KAZN: variants seen among roughly 807,000 people sequenced by gnomAD.
KAZN encodes the protein kazrin.
A neutral mutation model predicts 87.4 loss-of-function variants in KAZN; 40 were observed. That is an observed-to-expected ratio of 0.46 (90% CI 0.36 to 0.60). KAZN has a LOEUF of 0.60. Among genes scored for constraint, KAZN ranks in the 20% least tolerant of loss-of-function variants. The pLI is 0.00. For synonymous variants in KAZN, 466 were observed against 458.3 expected (o/e 1.02, Z -0.22); for missense variants, 898 against 1,073.9 (o/e 0.84, Z 2.29).
At chr1:14,635,332 C>T (rs1191239213) in intron 1 of KAZN, among the ~76,000 whole-genome samples, 5 of 152,152 alleles carry the variant, frequency 3.3e-5, no homozygotes, top group Non-Finnish European at 5.9e-5. Flanking sequence ...TATGAACATC[C>T]CTGGTCTCCA....
In KAZN at chr1:14,856,552, G is replaced by C. The variant is rs1650129778; in HGVS notation, c.227-104132G>C. Among the ~76,000 whole-genome samples, 4 of 152,118 alleles carry C rather than the reference G, an allele frequency of 2.6e-5. No homozygotes were observed. The South Asian group carries it at 8.3e-4, about 32-fold the overall frequency. ...AAATGCTCATTAATATGAACACTAT[G>C]TTCATTAGTATAAAACATTCCATAT... On this transcript the variant is annotated intron_variant, in intron 1 of 14. Coordinates refer to ENST00000376030, the MANE Select transcript of KAZN (RefSeq NM_201628.3). This position sits in a 1 kb window ranked among gnomAD's most constrained non-coding sequence, Gnocchi z 5.2.
chr1:15,095,166 C>T (rs1640750551), intron 10 of KAZN, among the ~76,000 whole-genome samples: 1 of 152,266 alleles, frequency 6.6e-6, no homozygotes. Context: ...GACAAGAGGC[C>T]CCAAAGGCCC....
At chr1:14,022,515 GAAAAAAA>G (rs1640888237) in intron 1 of KAZN, among the ~76,000 whole-genome samples, 1 of 87,822 alleles carries the variant, frequency 1.1e-5, no homozygotes, top group South Asian at 3.7e-4. Flanking sequence ...AAAAAAAAAA[GAAAAAAA>G]GAAAAAAGAA....
intron 1 of KAZN, among the ~76,000 whole-genome samples, chr1:14,901,184 G>T (rs58436786): frequency 0.093 from 14,212 of 152,190 alleles, 868 homozygotes; most frequent in Admixed American, 0.19. Context: ...GCTGGGGAAG[G>T]TCCCCTGGAG....
At chr1:14,695,098 C>A (rs1641523089) in intron 1 of KAZN, among the ~76,000 whole-genome samples, 1 of 152,146 alleles carries the variant, frequency 6.6e-6, no homozygotes, top group Admixed American at 6.5e-5. Context: ...GACAGGGAGG[C>A]TTTCAGGCAA....
chr1:14,506,417 C>G (rs565934708), intron 2 of KAZN, among the ~76,000 whole-genome samples: 2 of 152,148 alleles, frequency 1.3e-5, no homozygotes, highest in Non-Finnish European at 2.9e-5. Flanking sequence ...TCGTTTATAC[C>G]TTTGTCTCTC....
At chr1:14,000,686 T>A (rs970506732) in intron 1 of KAZN, among the ~76,000 whole-genome samples, 4 of 152,214 alleles carry the variant, frequency 2.6e-5, no homozygotes, top group Non-Finnish European at 5.9e-5. Context: ...AACATAGTAT[T>A]GGAAGTTCTG....
intron 1 of KAZN, among the ~76,000 whole-genome samples, chr1:14,070,397 C>T (rs183186375): frequency 1.3e-5 from 2 of 152,192 alleles, no homozygotes; most frequent in Admixed American, 1.3e-4. Context: ...CATTCCAGTA[C>T]ACCCTAATCA....
chr1:14,106,741 G>T (rs1003356981), intron 1 of KAZN, among the ~76,000 whole-genome samples: 26 of 152,154 alleles, frequency 1.7e-4, no homozygotes, highest in Non-Finnish European at 3.5e-4. Flanking sequence ...TCTCTATTCA[G>T]TGGCATCCCA....
At chr1:14,251,633 T>A (rs1031744905) in intron 2 of KAZN, among the ~76,000 whole-genome samples, 3 of 145,528 alleles carry the variant, frequency 2.1e-5, no homozygotes, top group African/African-American at 7.8e-5. Flanking sequence ...CAGTGAAAAG[T>A]TCTCCCGGAC....
At chr1:14,660,038 G>A (rs547122084) in intron 1 of KAZN, among the ~76,000 whole-genome samples, 6 of 152,226 alleles carry the variant, frequency 3.9e-5, no homozygotes, top group South Asian at 2.1e-4. Flanking sequence ...TTATTAAAAC[G>A]GAATTAAACC....
At chr1:14,544,500 C>T (rs1673019297) in intron 2 of KAZN, among the ~76,000 whole-genome samples, 1 of 151,636 alleles carries the variant, frequency 6.6e-6, no homozygotes, top group African/African-American at 2.4e-5. Context: ...ACATAGACTT[C>T]TTATGAAATT....
At chr1:14,060,131 A>C (rs1398076888) in intron 1 of KAZN, among the ~76,000 whole-genome samples, 1 of 152,122 alleles carries the variant, frequency 6.6e-6, no homozygotes, top group Non-Finnish European at 1.5e-5. Context: ...TGGGAGGCCG[A>C]GGCGGGCGGA....
intron 1 of KAZN, among the ~76,000 whole-genome samples, chr1:14,886,461 C>CAG (rs1491050131): frequency 3.4e-5 from 5 of 148,666 alleles, no homozygotes; most frequent in Admixed American, 6.6e-5. Context: ...CACACACACA[C>CAG]ACAGAGAGAG....
chr1:14,656,185 C>A (rs1638778406), intron 1 of KAZN, among the ~76,000 whole-genome samples: 1 of 152,130 alleles, frequency 6.6e-6, no homozygotes, highest in Non-Finnish European at 1.5e-5. Context: ...ATCTGCCATA[C>A]AAGGTCATTC....
chr1:14,931,340 A>C (rs1659798121), intron 1 of KAZN, among the ~76,000 whole-genome samples: 1 of 152,112 alleles, frequency 6.6e-6, no homozygotes. Context: ...GCTACTCGGA[A>C]GGCTGAGGAA....
intron 1 of KAZN, among the ~76,000 whole-genome samples, chr1:14,069,479 C>T (rs1643157100): frequency 6.6e-6 from 1 of 152,192 alleles, no homozygotes; most frequent in African/African-American, 2.4e-5. Context: ...TACTTCCAAA[C>T]CCCCATGTAA....
At chr1:15,047,763 C>T (rs912851638) in intron 4 of KAZN, among the ~76,000 whole-genome samples, 10 of 152,082 alleles carry the variant, frequency 6.6e-5, no homozygotes, top group Middle Eastern at 3.4e-3. Context: ...AGAGCGAAAC[C>T]CCATCTCAAA....
intron 2 of KAZN, among the ~76,000 whole-genome samples, chr1:14,420,802 G>A (rs1421705775): frequency 4.0e-5 from 6 of 151,740 alleles, no homozygotes; most frequent in East Asian, 1.9e-4. Context: ...TCCCGAGTGC[G>A]GGGCCCACCG....
Sources: gnomAD v4.1 joint callset for allele counts (sites outside exome capture counted in the v4.1 genomes callset) on GRCh38, gnomAD v4.1.1 for gene constraint, Gnocchi (gnomAD v3.1) non-coding constraint, MANE v1.5 for transcripts, NCBI Gene and HGNC (gene_info 2026-07-23, HGNC 2026-07-21) for gene names.